Variants in RBFOX1 observed in about 807,000 individuals in gnomAD.
RBFOX1 encodes the protein RNA binding protein fox-1 homolog 1.
Under a neutral mutation model 57.7 loss-of-function variants are expected in RBFOX1, and 8 were observed. That is an observed-to-expected ratio of 0.14 (90% CI 0.08 to 0.25). RBFOX1 has a LOEUF of 0.25. Ranked by LOEUF, RBFOX1 falls within the 10% of genes least tolerant of loss-of-function variation. The pLI, the probability that RBFOX1 is intolerant of heterozygous loss-of-function variation, is 1.00. For synonymous variants in RBFOX1, 326 were observed against 222.4 expected, an observed-to-expected ratio of 1.47 and a Z score of -4.15; for missense variants, 611 against 548.5, an observed-to-expected ratio of 1.11 and a Z score of -1.14.
intron 2 of RBFOX1, among the ~76,000 whole-genome samples, chr16:6,444,413 G>A (rs563183822): frequency 4.1e-4 from 62 of 152,264 alleles, no homozygotes; most frequent in East Asian, 1.7e-3. Context: ...GAGGGAACCC[G>A]TGGGAGGGAA....
intron 4 of RBFOX1, among the ~76,000 whole-genome samples, chr16:7,191,991 G>C (rs1409957918): frequency 6.6e-6 from 1 of 152,190 alleles, no homozygotes; most frequent in East Asian, 1.9e-4. Flanking sequence ...AAACGGCCCT[G>C]GTGATTAATG....
At chr16:7,275,506 G>A (rs1178370117) in intron 4 of RBFOX1, among the ~76,000 whole-genome samples, 1 of 152,114 alleles carries the variant, frequency 6.6e-6, no homozygotes, top group Non-Finnish European at 1.5e-5. Flanking sequence ...GCATATATGT[G>A]CTTCCATAAC....
intron 3 of RBFOX1, among the ~76,000 whole-genome samples, chr16:6,923,630 C>G (rs2074962475): frequency 1.3e-5 from 2 of 152,116 alleles, no homozygotes; most frequent in Admixed American, 6.5e-5. Flanking sequence ...AGTGAATCAG[C>G]AGGGGAGCAT....
chr16:7,175,115 G>C (rs1267654375), intron 4 of RBFOX1, among the ~76,000 whole-genome samples: 3 of 151,808 alleles, frequency 2.0e-5, no homozygotes, highest in African/African-American at 7.3e-5. Context: ...TGTATGTCTT[G>C]GTGGTTTGCT....
Position 7,126,964 on chromosome 16 carries a change from G to T in RBFOX1, c.27+74866G>T, listed in dbSNP as rs192531539. ...GCAGAGGTTGCAGTGAGCCAAGATCGCGCCACTACACTGCAGCCTGGGCGT... is the reference window on the plus strand; with the variant it reads ...GCAGAGGTTGCAGTGAGCCAAGATCTCGCCACTACACTGCAGCCTGGGCGT... On this transcript the variant is annotated intron_variant, in intron 4 of 15. Coordinates refer to ENST00000550418, the MANE Select transcript of RBFOX1 (RefSeq NM_018723.4). Among the ~76,000 whole-genome samples, 3 of 148,262 alleles carry T rather than the reference G, an allele frequency of 2.0e-5. No individual in the cohort carries two copies. In the East Asian group the frequency reaches 6.1e-4, roughly 30 times the overall value.
chr16:7,091,163 T>C (rs74744181), intron 4 of RBFOX1, among the ~76,000 whole-genome samples: 8,247 of 152,226 alleles, frequency 0.054, 341 homozygotes, highest in African/African-American at 0.11. Context: ...CAAATAACTC[T>C]TTCCATTTTA....
intron 2 of RBFOX1, among the ~76,000 whole-genome samples, chr16:6,553,722 G>C (rs11645700): frequency 6.6e-6 from 1 of 152,172 alleles, no homozygotes; most frequent in African/African-American, 2.4e-5. Flanking sequence ...TGGAAGAATG[G>C]AGGAGAGAAG....
intron 4 of RBFOX1, among the ~76,000 whole-genome samples, chr16:7,238,578 T>C (rs1040233538): frequency 2.0e-5 from 3 of 152,190 alleles, no homozygotes; most frequent in Non-Finnish European, 4.4e-5. Context: ...TCTTCCCATC[T>C]TGTGTACGTT....
In RBFOX1 at chr16:7,280,635, T is replaced by C. The variant is rs1471297224; in HGVS notation, c.27+228537T>C. Among the ~76,000 whole-genome samples, 8 of 152,008 alleles carry C rather than the reference T, an allele frequency of 5.3e-5. No homozygotes were observed. The East Asian group carries it at 1.6e-3, about 29-fold the overall frequency. On this transcript the variant is annotated intron_variant, in intron 4 of 15. Transcript: ENST00000550418. ...GAGAGCTCCGCACATAAGGACAGAG[T>C]GGCTGGGGCAGTCAACTGGCATCCT... is the stretch of plus-strand genomic sequence containing the variant.
At chr16:5,420,103 G>C (rs887077310) in intron 1 of RBFOX1, among the ~76,000 whole-genome samples, 5 of 152,178 alleles carry the variant, frequency 3.3e-5, no homozygotes, top group Non-Finnish European at 5.9e-5. Context: ...CAAGCTGCCA[G>C]GTCTGCAGTA....
intron 4 of RBFOX1, among the ~76,000 whole-genome samples, chr16:7,157,229 T>C (rs1355592217): frequency 6.6e-6 from 1 of 152,232 alleles, no homozygotes; most frequent in South Asian, 2.1e-4. Flanking sequence ...GTGCATTGGC[T>C]GGCAGCTGCC....
At chr16:6,144,696 G>A (rs1412907969) in intron 1 of RBFOX1, among the ~76,000 whole-genome samples, 4 of 152,226 alleles carry the variant, frequency 2.6e-5, no homozygotes, top group African/African-American at 9.6e-5. Flanking sequence ...TTTCTCATGA[G>A]CAGGGGCCAG....
At chr16:6,475,245 A>G (rs1432904729) in intron 2 of RBFOX1, among the ~76,000 whole-genome samples, 1 of 152,194 alleles carries the variant, frequency 6.6e-6, no homozygotes, top group African/African-American at 2.4e-5. Context: ...ATTGAAAACA[A>G]TGTTGGTTGT....
rs145256746 is a variant in RBFOX1 at position 7,576,650 on chromosome 16, G to C, written c.271-3127G>C. Reference sequence around the variant, plus strand: ...AATGCAAAGATTTCTCCAAAGTGCTGTTTGACTAGAGATGATTAATTTTAA... The same window carrying C: ...AATGCAAAGATTTCTCCAAAGTGCTCTTTGACTAGAGATGATTAATTTTAA... On this transcript the variant is annotated intron_variant, in intron 5 of 15. Transcript: ENST00000550418. Among the ~76,000 whole-genome samples, 64 of 152,324 alleles carry C rather than the reference G, an allele frequency of 4.2e-4. 1 individual carries two copies. In the East Asian group the frequency reaches 0.01, roughly 24 times the overall value.
At chr16:6,249,772 C>CTTT (rs55802545) in intron 1 of RBFOX1, among the ~76,000 whole-genome samples, 9 of 140,638 alleles carry the variant, frequency 6.4e-5, no homozygotes, top group Non-Finnish European at 1.1e-4. Context: ...CATTTTTTTT[C>CTTT]TTTTTTTTTT....
chr16:7,342,334 T>C (rs900128501), intron 4 of RBFOX1, among the ~76,000 whole-genome samples: 2 of 152,098 alleles, frequency 1.3e-5, no homozygotes, highest in Admixed American at 1.3e-4. Context: ...ATCTTCCCAC[T>C]CAGACGCATC....
intron 3 of RBFOX1, among the ~76,000 whole-genome samples, chr16:6,906,834 T>G (rs1359588312): frequency 6.6e-6 from 1 of 151,922 alleles, no homozygotes. Flanking sequence ...GCAATTCTCC[T>G]GCCTCAGCCT....
intron 1 of RBFOX1, among the ~76,000 whole-genome samples, chr16:6,090,576 C>A (rs1409684464): frequency 6.6e-6 from 1 of 152,226 alleles, no homozygotes; most frequent in Non-Finnish European, 1.5e-5. Context: ...ATCTAACATT[C>A]TGATGACTTT....
intron 4 of RBFOX1, among the ~76,000 whole-genome samples, chr16:7,461,872 C>G (rs528016076): frequency 6.6e-6 from 1 of 152,244 alleles, no homozygotes; most frequent in Admixed American, 6.5e-5. Context: ...ACTGTGAGAG[C>G]CCTCAGTATC....
Sources: allele counts gnomAD v4.1 joint callset (sites outside exome capture counted in the v4.1 genomes callset), GRCh38; gene constraint gnomAD v4.1.1; transcripts MANE v1.5; gene names NCBI Gene and HGNC (gene_info 2026-07-23, HGNC 2026-07-21).